The following BAP1 variants were observed in gnomAD, a reference collection of about 807,000 sequenced individuals.
BAP1 encodes the protein ubiquitin carboxyl-terminal hydrolase BAP1.
A neutral mutation model predicts 77.2 loss-of-function variants in BAP1; 16 were observed. The observed-to-expected ratio is 0.21, with a 90% confidence interval of 0.14 to 0.31. The LOEUF is 0.31. BAP1 is among the 10% of genes least tolerant of loss of function. The pLI is 1.00. For synonymous variants in BAP1, 362 were observed against 385.2 expected (o/e 0.94, Z 0.71); for missense variants, 699 against 967.3 (o/e 0.72, Z 3.68).
At chr3:52,405,030 G>T in intron 11 of BAP1, 80 bp downstream of exon 11, 1 of 1,583,442 alleles carries the variant, frequency 6.3e-7, no homozygotes, top group Non-Finnish European at 8.7e-7. Context: ...TGAACACCAA[G>T]GAACCACATG....
chr3:52,405,979 G>A (rs2153227337), intron 9 of BAP1, 67 bp from the exon 10 acceptor site: 1 of 1,605,030 alleles, frequency 6.2e-7, no homozygotes, highest in Non-Finnish European at 8.5e-7. Context: ...AATAGCTAAG[G>A]GCTGAGGACC....
rs1329338025 is a variant in BAP1 at position 52,409,753 on chromosome 3, G to A, written c.38-10C>T. ...AGCAGGGTGAAGAGGCCTGGGTGGG[G>A]CGACAAGAGGAGGGGGTGATGGTCA... On this transcript the variant is annotated splice_polypyrimidine_tract_variant and intron_variant, in intron 1 of 16. Transcript: ENST00000460680. 6.2e-7 allele frequency: 1 copy of A among 1,613,724 alleles called. No homozygotes were observed. Among genetic ancestry groups the A allele is most frequent in the Non-Finnish European group, 8.5e-7 (1 of 1,179,938 alleles).
Position 52,401,112 on chromosome 3 carries a change from G to C in BAP1, c.*1176C>G, listed in dbSNP as rs1017796528. On this transcript the variant is annotated 3_prime_UTR_variant, in exon 17 of 17. Transcript: ENST00000460680. ...CAGCCCAGAGGCAGCTGCCACACTT[G>C]CCAGCACCCCCCACTCAGTCACTAT... The C allele has an allele frequency of 8.6e-6, 2 of 232,224 alleles. No individual in the cohort carries two copies. The highest frequency in any genetic ancestry group is 1.7e-5 in the Non-Finnish European group (2 of 117,620). 14.4% of individuals were successfully genotyped at this position (232,224 alleles called of 1,614,324 possible). A position where few individuals can be genotyped will look rare whatever the true frequency, so the allele number is the denominator to read the frequency against.
intron 4 of BAP1, 106 bp downstream of exon 4, chr3:52,408,368 C>T: frequency 6.6e-7 from 1 of 1,505,478 alleles, no homozygotes; most frequent in South Asian, 1.2e-5. Context: ...TAGCTACCAC[C>T]CCTAGAATCT....
At chr3:52,405,321 G>A (rs756832974) in intron 10 of BAP1, 27 bp from the exon 11 acceptor site, 1 of 1,612,344 alleles carries the variant, frequency 6.2e-7, no homozygotes, top group Non-Finnish European at 8.5e-7. Context: ...ACACAGGCAG[G>A]ACCTCCAGTA....
intron 10 of BAP1, 149 bp downstream of exon 10, chr3:52,405,616 G>C: frequency 7.8e-7 from 1 of 1,287,620 alleles, no homozygotes; most frequent in Non-Finnish European, 1.1e-6. Context: ...CCTTTCTTTA[G>C]GGAAGGACTG....
intron 5 of BAP1, among the ~76,000 whole-genome samples, 176 bp downstream of exon 5, chr3:52,407,782 G>A (rs1705212520): frequency 6.6e-6 from 1 of 152,178 alleles, no homozygotes. Flanking sequence ...CCCCGCAACT[G>A]CATCTAAAAA....
Position 52,401,700 on chromosome 3 carries a change from T to C in BAP1, c.*588A>G, listed in dbSNP as rs1455789393. On this transcript the variant is annotated 3_prime_UTR_variant, in exon 17 of 17. Coordinates refer to ENST00000460680, the MANE Select transcript of BAP1 (RefSeq NM_004656.4). ...ACTCCCAACCCAGCCCAGTGCTGGG[T>C]CCCTGAGTTTGGCACTCTCCTAAGA... is the stretch of plus-strand genomic sequence containing the variant. 1 of 238,916 alleles carries C rather than the reference T, an allele frequency of 4.2e-6. No homozygotes were observed. The highest frequency in any genetic ancestry group is 5.3e-5 in the Admixed American group (1 of 18,970). 14.8% of individuals were successfully genotyped at this position (238,916 alleles called of 1,614,324 possible).
chr3:52,405,397 C>T (rs1413647597), intron 10 of BAP1, 103 bp from the exon 11 acceptor site: 5 of 1,439,684 alleles, frequency 3.5e-6, no homozygotes, highest in Non-Finnish European at 4.8e-6. Flanking sequence ...AGAAGAACAG[C>T]CCAGCCAGCT....
chr3:52,408,563 G>A lies in BAP1; in HGVS notation c.166C>T (p.Arg56Cys), dbSNP rs1312611941. 1.2e-6 allele frequency: 2 copies of A among 1,610,598 alleles called. No homozygotes were observed. The highest frequency in any genetic ancestry group is 1.7e-6 in the Non-Finnish European group (2 of 1,178,522). ...GTAGAGACCTTTCGCCGGGACCGGCGCTCTTCGATCCATTTGAACAGGAAG... is the reference window on the plus strand; with the variant it reads ...GTAGAGACCTTTCGCCGGGACCGGCACTCTTCGATCCATTTGAACAGGAAG... ...FIFLFKWIEE[R>C]RSRRKVSTLV... The change falls in exon 4 of 17, where the codon CGC becomes TGC. Residue 56 changes from arginine (R) to cysteine (C), a missense_variant. Physicochemically the swap from Arg to Cys is radical, Grantham distance 180. Transcript: ENST00000460680.
At position 52,401,500 on chromosome 3, in the gene BAP1, C is replaced by G. The variant is rs1372263927; in HGVS notation, c.*788G>C. ...CCTAGAGCCCAATTTAGGCCCATAG[C>G]TAGGGCCACAACACTGAAGGCGAAG... On this transcript the variant is annotated 3_prime_UTR_variant, in exon 17 of 17. Coordinates refer to ENST00000460680, the MANE Select transcript of BAP1 (RefSeq NM_004656.4). 1.7e-5 allele frequency: 4 copies of G among 233,664 alleles called. No homozygotes were observed. Among genetic ancestry groups the G allele is most frequent in the African/African-American group, 8.8e-5 (4 of 45,362 alleles). 14.5% of individuals were successfully genotyped at this position (233,664 alleles called of 1,614,324 possible). A position where few individuals can be genotyped will look rare whatever the true frequency, so the allele number is the denominator to read the frequency against.
In BAP1 at chr3:52,403,368, C is replaced by G. The variant is rs1404271823; in HGVS notation, c.1729+48G>C. 1.2e-6 allele frequency: 2 copies of G among 1,611,886 alleles called. No individual in the cohort carries two copies. Among genetic ancestry groups the G allele is most frequent in the Non-Finnish European group, 1.7e-6 (2 of 1,179,216 alleles). On this transcript the variant is annotated intron_variant, in intron 13 of 16. Coordinates refer to ENST00000460680, the MANE Select transcript of BAP1 (RefSeq NM_004656.4). The surrounding 1 kb of genome is among the most constrained non-coding windows in gnomAD (Gnocchi z 4.0). ...TTGTGGTCACTTGGCCACTTCCCTC[C>G]TCCCTCCTGGGTGCACCAAGTGGCC...
rs1705000474 is a variant in BAP1, at chr3:52,402,663, C to G, written c.1995G>C (p.Gln665His). ...EKRKKFKIDD[Q>H]RRTHNYDEFI... ...ACTCATCGTAGTTGTGGGTCCTTCT[C>G]TGGTCATCAATCTGTAGGAGAGAAG... Residue 665 changes from glutamine (Q) to histidine (H), a missense_variant, in exon 16 of 17, where the codon CAG becomes CAC. Around this residue, in one of 3 missense-constraint regions of BAP1, gnomAD observed 64 missense variants for 112.1 expected, o/e 0.57. Coordinates refer to ENST00000460680, the MANE Select transcript of BAP1 (RefSeq NM_004656.4). This position sits in a 1 kb window ranked among gnomAD's most constrained non-coding sequence, Gnocchi z 5.3. 1 of 1,614,220 alleles carries G rather than the reference C, an allele frequency of 6.2e-7. No homozygotes were observed. Among genetic ancestry groups the G allele is most frequent in the South Asian group, 1.1e-5 (1 of 91,072 alleles).
chr3:52,409,197 G>A (rs1180450066), intron 3 of BAP1, among the ~76,000 whole-genome samples: 1 of 152,240 alleles, frequency 6.6e-6, no homozygotes, highest in East Asian at 1.9e-4. Context: ...GGATGACTTT[G>A]TGTCAGGATT....
chr3:52,405,520 A>AC, intron 10 of BAP1: 1 of 599,762 alleles, frequency 1.7e-6, no homozygotes, highest in Non-Finnish European at 2.7e-6. Flanking sequence ...AAAAAAAAAA[A>AC]ACCGCCTCTA....
At chr3:52,408,262 C>G (rs904282335) in intron 4 of BAP1, among the ~76,000 whole-genome samples, 185 bp from the exon 5 acceptor site, 3 of 152,216 alleles carry the variant, frequency 2.0e-5, no homozygotes, top group Admixed American at 1.3e-4. Context: ...CACTGGATAT[C>G]TGAGGACACA....
Position 52,409,471 on chromosome 3 carries a change from T to A in BAP1, c.122+83A>T, listed in dbSNP as rs138119961. ...TTTTACAACGTAGGGTTCCTGGCAC[T>A]GTCTTCCCTAAGGGGCCCTGTTCTC... On this transcript the variant is annotated intron_variant, in intron 3 of 16. Coordinates refer to ENST00000460680, the MANE Select transcript of BAP1 (RefSeq NM_004656.4). 2.7e-4 allele frequency: 416 copies of A among 1,560,716 alleles called. 4 individuals carry two copies. In the African/African-American group the frequency reaches 4.9e-3, roughly 18 times the overall value.
At chr3:52,405,480 A>G in intron 10 of BAP1, 186 bp from the exon 11 acceptor site, 1 of 609,088 alleles carries the variant, frequency 1.6e-6, no homozygotes, top group Non-Finnish European at 2.7e-6. Flanking sequence ...GATGGGAAAA[A>G]AGAAGCAGGA....
chr3:52,404,362 C>G, intron 12 of BAP1, 91 bp downstream of exon 12: 1 of 1,602,848 alleles, frequency 6.2e-7, no homozygotes, highest in Non-Finnish European at 8.5e-7. Flanking sequence ...TCAACATTAT[C>G]TGCTGCAGGG....
Sources: allele counts gnomAD v4.1 joint callset (sites outside exome capture counted in the v4.1 genomes callset), GRCh38; gene constraint gnomAD v4.1.1; regional missense constraint gnomAD v4.1.1; non-coding constraint Gnocchi (gnomAD v3.1); transcripts MANE v1.5; gene names NCBI Gene and HGNC (gene_info 2026-07-23, HGNC 2026-07-21).